RORA: variants seen among roughly 807,000 people sequenced by gnomAD.
RORA encodes the protein nuclear receptor ROR-alpha.
RORA carries 7 observed loss-of-function variants against 69.5 expected under a neutral mutation model. The ratio of observed to expected loss-of-function variants is 0.10; its 90% CI spans 0.06 to 0.19. RORA has a LOEUF of 0.19. Among genes scored for constraint, RORA ranks in the 10% least tolerant of loss-of-function variants. RORA has a pLI of 1.00. For missense variants in RORA, 457 were observed against 663.0 expected (o/e 0.69, Z 3.41); for synonymous variants, 261 against 240.8 (o/e 1.08, Z -0.78).
intron 1 of RORA, among the ~76,000 whole-genome samples, chr15:60,931,837 A>C (rs1285503824): frequency 6.6e-6 from 1 of 152,206 alleles, no homozygotes; most frequent in African/African-American, 2.4e-5. Context: ...TCTCCAGCTA[A>C]ATATTCATTT....
intron 1 of RORA, among the ~76,000 whole-genome samples, chr15:60,776,608 TA>T (rs1366931028): frequency 2.6e-4 from 39 of 152,202 alleles, no homozygotes; most frequent in Admixed American, 2.6e-3. Context: ...GATCCTGCAC[TA>T]AAAGGGTAAG....
intron 2 of RORA, among the ~76,000 whole-genome samples, chr15:60,547,451 C>T (rs753955629): frequency 3.3e-5 from 5 of 151,766 alleles, no homozygotes; most frequent in Admixed American, 1.3e-4. Context: ...CTCAGCCTCC[C>T]GAGTAGCTGG....
chr15:60,903,848 C>G (rs1007452653), intron 1 of RORA, among the ~76,000 whole-genome samples: 1 of 152,206 alleles, frequency 6.6e-6, no homozygotes, highest in Non-Finnish European at 1.5e-5. Context: ...CATGTTAAAA[C>G]TTCCACAGCA....
intron 2 of RORA, chr15:60,558,179 G>A: frequency 2.2e-6 from 3 of 1,335,278 alleles, no homozygotes; most frequent in South Asian, 1.2e-5. Context: ...ACATCTCCAT[G>A]GTCTCTGGAT....
At chr15:61,019,597 A>G (rs1457111611) in intron 1 of RORA, among the ~76,000 whole-genome samples, 3 of 152,100 alleles carry the variant, frequency 2.0e-5, no homozygotes, top group Non-Finnish European at 4.4e-5. Flanking sequence ...TGGGCTGGAA[A>G]AGTTAGTGAA....
In RORA at chr15:60,531,104, A is replaced by G. The variant is rs10519051; in HGVS notation, c.282+662T>C. The stretch of plus-strand genomic sequence containing the variant: ...AAATAATAAAATAGTCATAGCAGAA[A>G]TAATACTGATAATATTTAGAGTTAA... On this transcript the variant is annotated intron_variant, in intron 3 of 10. Transcript: ENST00000335670. The surrounding 1 kb of genome is among the most constrained non-coding windows in gnomAD (Gnocchi z 4.8). The G allele has an allele frequency of 0.094, 14,285 of 152,398 alleles. 851 individuals are homozygous for G. The highest frequency in any genetic ancestry group is 0.2 in the Middle Eastern group (57 of 292). The allele number at this position is 152,398 out of a possible 1,614,324, so 9.4% of individuals were successfully genotyped here. A position where few individuals can be genotyped will look rare whatever the true frequency, so the allele number is the denominator to read the frequency against.
chr15:60,527,114 T>TCA (rs2066384106), intron 3 of RORA, among the ~76,000 whole-genome samples: 2 of 152,212 alleles, frequency 1.3e-5, no homozygotes, highest in Admixed American at 1.3e-4. Context: ...CTTAGTGTTA[T>TCA]CAAGAGGAAA....
At chr15:61,010,152 A>C (rs1429808470) in intron 1 of RORA, among the ~76,000 whole-genome samples, 2 of 152,202 alleles carry the variant, frequency 1.3e-5, no homozygotes, top group Non-Finnish European at 2.9e-5. Flanking sequence ...GTTAAAAAGA[A>C]AGACACTGGA....
intron 1 of RORA, among the ~76,000 whole-genome samples, chr15:60,786,927 A>G (rs890574728): frequency 6.6e-6 from 1 of 152,238 alleles, no homozygotes; most frequent in Non-Finnish European, 1.5e-5. Flanking sequence ...GAATGATCAC[A>G]GAGTGAGAAC....
chr15:61,011,846 T>C (rs756634721), intron 1 of RORA, among the ~76,000 whole-genome samples: 5 of 151,758 alleles, frequency 3.3e-5, no homozygotes, highest in East Asian at 1.9e-4. Context: ...TTAGAGTTCA[T>C]GCCACCAAGC....
intron 1 of RORA, among the ~76,000 whole-genome samples, chr15:61,196,267 C>T (rs8035563): frequency 0.82 from 124,204 of 152,262 alleles, 52,170 homozygotes; most frequent in Non-Finnish European, 0.93. Context: ...TGCTGAATAG[C>T]TGCAATATCA....
chr15:60,868,334 T>A (rs1208562198), intron 1 of RORA, among the ~76,000 whole-genome samples: 4 of 152,204 alleles, frequency 2.6e-5, no homozygotes, highest in Non-Finnish European at 5.9e-5. Flanking sequence ...AGTAATAGCA[T>A]CTCCCTTGGA....
At chr15:60,937,016 A>T (rs1398392825) in intron 1 of RORA, among the ~76,000 whole-genome samples, 1 of 152,098 alleles carries the variant, frequency 6.6e-6, no homozygotes, top group Non-Finnish European at 1.5e-5. Context: ...AACTGCAAAC[A>T]TTTACTTAAT....
intron 1 of RORA, among the ~76,000 whole-genome samples, chr15:61,179,145 C>A (rs2079658793): frequency 6.6e-6 from 1 of 152,206 alleles, no homozygotes; most frequent in Non-Finnish European, 1.5e-5. Flanking sequence ...GATTCAGTAT[C>A]TCCACTCCAT....
chr15:61,046,187 G>C (rs913145887), intron 1 of RORA, among the ~76,000 whole-genome samples: 1 of 152,196 alleles, frequency 6.6e-6, no homozygotes, highest in Admixed American at 6.5e-5. Context: ...AGGTAGTGGA[G>C]AGAAATATGA....
In RORA at chr15:60,568,778, T is replaced by C. The variant is rs1352191062; in HGVS notation, c.197-36927A>G. 3.3e-5 allele frequency among the ~76,000 whole-genome samples: 5 copies of C among 152,210 alleles called. No homozygotes were observed. The South Asian group carries it at 6.2e-4, about 19-fold the overall frequency. ...GAATCTAAGCACTGTTGTTGTATTATCAAACTGTCAGGATGGTTTTATATG... is the reference window on the plus strand; with the variant it reads ...GAATCTAAGCACTGTTGTTGTATTACCAAACTGTCAGGATGGTTTTATATG... On this transcript the variant is annotated intron_variant, in intron 2 of 10. Coordinates refer to ENST00000335670, the MANE Select transcript of RORA (RefSeq NM_134261.3).
At chr15:60,837,445 G>A (rs552768197) in intron 1 of RORA, among the ~76,000 whole-genome samples, 25 of 152,150 alleles carry the variant, frequency 1.6e-4, no homozygotes, top group Non-Finnish European at 2.6e-4. Context: ...CAATCAATGC[G>A]CACGCAGCAC....
At chr15:61,048,278 A>G (rs1566963154) in intron 1 of RORA, among the ~76,000 whole-genome samples, 1 of 152,118 alleles carries the variant, frequency 6.6e-6, no homozygotes, top group East Asian at 1.9e-4. Context: ...ACTTGTTCCT[A>G]GGTTATCCAG....
chr15:61,167,933 C>T (rs944130479), intron 1 of RORA, among the ~76,000 whole-genome samples: 11 of 152,072 alleles, frequency 7.2e-5, no homozygotes, highest in African/African-American at 2.4e-4. Flanking sequence ...TTTCTTGCTT[C>T]TGTATATTTG....
Sources: gnomAD v4.1 joint callset for allele counts (sites outside exome capture counted in the v4.1 genomes callset) on GRCh38, gnomAD v4.1.1 for gene constraint, Gnocchi (gnomAD v3.1) non-coding constraint, MANE v1.5 for transcripts, NCBI Gene and HGNC (gene_info 2026-07-23, HGNC 2026-07-21) for gene names.